RPTOR: variants seen among roughly 807,000 people sequenced by gnomAD.
The protein encoded by RPTOR is regulatory-associated protein of mTOR.
RPTOR carries 21 observed loss-of-function variants against 169.9 expected under a neutral mutation model. That is an observed-to-expected ratio of 0.12 (90% CI 0.09 to 0.18). RPTOR has a LOEUF of 0.18. Among genes scored for constraint, RPTOR ranks in the 10% least tolerant of loss-of-function variants. The probability of loss-of-function intolerance (pLI) is 1.00; values close to 1 mark genes in which losing one functional copy is unlikely to be tolerated. For missense variants in RPTOR, 1,133 were observed against 1,855.9 expected, an observed-to-expected ratio of 0.61 and a Z score of 7.16; for synonymous variants, 732 against 753.2, an observed-to-expected ratio of 0.97 and a Z score of 0.46.
intron 3 of RPTOR, among the ~76,000 whole-genome samples, chr17:80,704,314 G>T (rs2066126157): frequency 6.6e-6 from 1 of 152,182 alleles, no homozygotes; most frequent in Non-Finnish European, 1.5e-5. Context: ...GCTGCCCTTG[G>T]TGTGTTGTAT....
rs975369038 is a variant in RPTOR at position 80,960,319 on chromosome 17, T to A, written c.3605+114T>A. 2 of 1,418,174 alleles carry A rather than the reference T, an allele frequency of 1.4e-6. No individual in the cohort carries two copies. The highest frequency in any genetic ancestry group is 1.9e-5 in the Admixed American group (1 of 52,944). 87.8% of individuals were successfully genotyped at this position (1,418,174 alleles called of 1,614,324 possible). ...AGGTTTCTCAGTGAGATGCAAAGCT[T>A]CCCCAGGAGCCTGCAGTGGCGTATT... On this transcript the variant is annotated intron_variant, in intron 30 of 33. Transcript: ENST00000306801. The surrounding 1 kb of genome is among the most constrained non-coding windows in gnomAD (Gnocchi z 4.8).
chr17:80,962,034 C>G (rs1346704702), intron 31 of RPTOR, among the ~76,000 whole-genome samples: 1 of 152,306 alleles, frequency 6.6e-6, no homozygotes, highest in East Asian at 1.9e-4. Flanking sequence ...GCAGGAGCCA[C>G]GGGGCCTCAA....
In RPTOR at chr17:80,966,058, G is replaced by A. The variant is rs1166289720; in HGVS notation, c.*1728G>A. Reference sequence around the variant, plus strand: ...CAATTCTTACCCAACACGCGTTTCTGTTTGTTTTGAGACAAAATCACCACC... The same window carrying A: ...CAATTCTTACCCAACACGCGTTTCTATTTGTTTTGAGACAAAATCACCACC... On this transcript the variant is annotated 3_prime_UTR_variant, in exon 34 of 34. Coordinates refer to ENST00000306801, the MANE Select transcript of RPTOR (RefSeq NM_020761.3). 3 of 231,610 alleles carry A rather than the reference G, an allele frequency of 1.3e-5. No homozygotes were observed. Among genetic ancestry groups the A allele is most frequent in the African/African-American group, 2.2e-5 (1 of 45,144 alleles). The allele number at this position is 231,610 out of a possible 1,614,324, so 14.3% of individuals were successfully genotyped here. A position where few individuals can be genotyped will look rare whatever the true frequency, so the allele number is the denominator to read the frequency against.
intron 1 of RPTOR, chr17:80,602,794 C>T: frequency 1.4e-6 from 1 of 698,176 alleles, no homozygotes; most frequent in Non-Finnish European, 2.7e-6. Flanking sequence ...TCTCTGAGTG[C>T]CCAAGGGGCA....
chr17:80,644,781 A>C (rs76565890), intron 3 of RPTOR, among the ~76,000 whole-genome samples: 106 of 152,294 alleles, frequency 7.0e-4, no homozygotes, highest in Middle Eastern at 3.4e-3. Context: ...GCCAAAAATG[A>C]ATTTTTTCCT....
chr17:80,554,753 CA>C lies in RPTOR; in HGVS notation c.162+8966del, dbSNP rs981497748. 5.9e-4 allele frequency among the ~76,000 whole-genome samples: 63 copies of C among 106,444 alleles called. No homozygotes were observed. The East Asian group carries it at 0.012, about 21-fold the overall frequency. The allele number at this position is 106,444 out of a possible 152,430, so 69.8% of individuals were successfully genotyped here. A position where few individuals can be genotyped will look rare whatever the true frequency, so the allele number is the denominator to read the frequency against. Reference sequence around the variant, plus strand: ...AGTGAGACTCTGTCTCAAAACAAAACAAAACAAAACAAAACAAACAACAACA... The same window carrying C: ...AGTGAGACTCTGTCTCAAAACAAAACAAACAAAACAAAACAAACAACAACA... On this transcript the variant is annotated intron_variant, in intron 1 of 33. Coordinates refer to ENST00000306801, the MANE Select transcript of RPTOR (RefSeq NM_020761.3).
At chr17:80,840,249 C>T (rs2067612755) in intron 10 of RPTOR, among the ~76,000 whole-genome samples, 1 of 152,062 alleles carries the variant, frequency 6.6e-6, no homozygotes, top group Non-Finnish European at 1.5e-5. Context: ...TGTGCCTGCC[C>T]GCTGTCACTC....
At chr17:80,963,245 C>T (rs576238517) in intron 33 of RPTOR, among the ~76,000 whole-genome samples, 188 bp downstream of exon 33, 7 of 152,204 alleles carry the variant, frequency 4.6e-5, no homozygotes, top group Admixed American at 2.0e-4. Flanking sequence ...GCACTCGCCC[C>T]GGAAGCAGAG....
At chr17:80,954,333 G>T (rs1019667690) in intron 28 of RPTOR, among the ~76,000 whole-genome samples, 33 of 152,100 alleles carry the variant, frequency 2.2e-4, no homozygotes, top group Middle Eastern at 3.2e-3. Context: ...TGTTGGCCAG[G>T]CTGGTCTCGA....
intron 7 of RPTOR, among the ~76,000 whole-genome samples, chr17:80,794,885 T>C (rs1232064080): frequency 6.6e-6 from 1 of 152,136 alleles, no homozygotes; most frequent in Non-Finnish European, 1.5e-5. Context: ...ACAGATCAGC[T>C]GTTGCCAGGG....
At chr17:80,545,892 CT>C in intron 1 of RPTOR, 101 bp downstream of exon 1, 1 of 1,022,226 alleles carries the variant, frequency 9.8e-7, no homozygotes, top group Non-Finnish European at 1.4e-6. Context: ...ACATTTCCCC[CT>C]AGCCACACGT....
At chr17:80,667,367 G>A (rs1177853365) in intron 3 of RPTOR, among the ~76,000 whole-genome samples, 2 of 152,158 alleles carry the variant, frequency 1.3e-5, no homozygotes, top group Non-Finnish European at 2.9e-5. Flanking sequence ...AGCCAGAGGA[G>A]CAGGCTGGAC....
At position 80,884,996 on chromosome 17, in the gene RPTOR, G is replaced by A. The variant is rs753936694; in HGVS notation, c.1843-12G>A. 14 of 1,605,090 alleles carry A rather than the reference G, an allele frequency of 8.7e-6. No individual in the cohort carries two copies. The highest frequency in any genetic ancestry group is 4.0e-5 in the African/African-American group (3 of 74,980). On this transcript the variant is annotated splice_polypyrimidine_tract_variant and intron_variant, in intron 16 of 33. Coordinates refer to ENST00000306801, the MANE Select transcript of RPTOR (RefSeq NM_020761.3). ...GTGTGGGACATGCCTGTGACCCCCC[G>A]CCGCCTTGCAGGTCCGCTGCGCAGC...
At chr17:80,700,787 GTGGTGGTGGTGATGA>G (rs2066093021) in intron 3 of RPTOR, among the ~76,000 whole-genome samples, 2 of 111,790 alleles carry the variant, frequency 1.8e-5, no homozygotes, top group African/African-American at 3.6e-5. Flanking sequence ...GATGATGATG[GTGGTGGTGGTGATGA>G]TGATGGTGGT....
At chr17:80,725,703 C>T (rs375908589) in intron 4 of RPTOR, among the ~76,000 whole-genome samples, 2 of 152,194 alleles carry the variant, frequency 1.3e-5, no homozygotes, top group East Asian at 1.9e-4. Context: ...GCTTGACAAA[C>T]GACCCAGGAC....
In RPTOR at chr17:80,964,346, C is replaced by T. The variant is rs1162160542; in HGVS notation, c.*16C>T. The T allele has an allele frequency of 1.9e-6, 3 of 1,604,032 alleles. No individual in the cohort carries two copies. Among genetic ancestry groups the T allele is most frequent in the Non-Finnish European group, 2.5e-6 (3 of 1,179,596 alleles). On this transcript the variant is annotated 3_prime_UTR_variant, in exon 34 of 34. Coordinates refer to ENST00000306801, the MANE Select transcript of RPTOR (RefSeq NM_020761.3). ...TGTCAGATAGCGGCGTGACCCGGGC[C>T]CACCAGGCCACGGCCGCCTGCTGTA... is the stretch of plus-strand genomic sequence containing the variant.
chr17:80,900,612 G>A (rs76844015), intron 20 of RPTOR, among the ~76,000 whole-genome samples: 9 of 152,322 alleles, frequency 5.9e-5, no homozygotes, highest in African/African-American at 1.4e-4. Flanking sequence ...CACTGTGCTC[G>A]ACTGGCCTTC....
chr17:80,961,889 C>G (rs2069347522), intron 31 of RPTOR, among the ~76,000 whole-genome samples: 1 of 152,220 alleles, frequency 6.6e-6, no homozygotes, highest in African/African-American at 2.4e-5. Flanking sequence ...TATTTATTTG[C>G]CTATTAAAGG....
rs2069117830 is a variant in RPTOR, at chr17:80,947,474, C to T, written c.3265+123C>T. The T allele has an allele frequency of 2.4e-6, 3 of 1,271,452 alleles. No homozygotes were observed. The South Asian group carries it at 6.7e-5, about 29-fold the overall frequency. The allele number at this position is 1,271,452 out of a possible 1,614,324, so 78.8% of individuals were successfully genotyped here. ...AGAAAGCCCTGCTCACACGCGAGGG[C>T]CACTGTCATTCAGAAGTGGGGAGGT... On this transcript the variant is annotated intron_variant, in intron 27 of 33. Transcript: ENST00000306801. This position sits in a 1 kb window ranked among gnomAD's most constrained non-coding sequence, Gnocchi z 4.4.
Sources: allele counts gnomAD v4.1 joint callset (sites outside exome capture counted in the v4.1 genomes callset), GRCh38; gene constraint gnomAD v4.1.1; non-coding constraint Gnocchi (gnomAD v3.1); transcripts MANE v1.5; gene names NCBI Gene and HGNC (gene_info 2026-07-23, HGNC 2026-07-21).